GATAD1: variants seen among roughly 807,000 people sequenced by gnomAD.
GATAD1 encodes the protein GATA zinc finger domain containing 1.
GATAD1 carries 12 observed loss-of-function variants against 26.5 expected under a neutral mutation model. The observed-to-expected ratio is 0.45, with a 90% CI of 0.29 to 0.73. The LOEUF (loss-of-function observed/expected upper bound fraction) is 0.73. Ranked by LOEUF, GATAD1 falls within the 30% of genes least tolerant of loss-of-function variation. The pLI, the probability that GATAD1 is intolerant of heterozygous loss-of-function variation, is 0.10. For synonymous variants in GATAD1, 129 were observed against 133.1 expected (o/e 0.97, Z 0.21); for missense variants, 266 against 342.1 (o/e 0.78, Z 1.75).
the GATAD1 span, chr7:92,489,623 G>C: frequency 8.3e-7 from 1 of 1,199,834 alleles, no homozygotes; most frequent in South Asian, 1.3e-5. Context: ...TATAAATATA[G>C]CTCGTTTATA....
intron 3 of GATAD1, 173 bp from the exon 4 acceptor site, chr7:92,454,329 C>A: frequency 1.7e-6 from 1 of 592,944 alleles, no homozygotes; most frequent in East Asian, 2.9e-5. Context: ...AATTTTCATT[C>A]AAACGTGAAA....
At chr7:92,493,329 T>C in the GATAD1 span, 3 of 379,280 alleles carry the variant, frequency 7.9e-6, no homozygotes, top group Non-Finnish European at 1.4e-5. Context: ...TATAGGAAAA[T>C]GAATGAAAAT....
intron 3 of GATAD1, among the ~76,000 whole-genome samples, chr7:92,451,760 G>A (rs1416378561): frequency 4.6e-5 from 7 of 152,208 alleles, no homozygotes; most frequent in Admixed American, 4.6e-4. Context: ...ATCAGTGGCT[G>A]AGCATTTTGC....
the GATAD1 span, chr7:92,489,411 T>C: frequency 1.9e-6 from 3 of 1,613,250 alleles, no homozygotes; most frequent in Non-Finnish European, 2.5e-6. Context: ...GGTTGGTTCA[T>C]GGATTCGTCC....
At chr7:92,473,401 G>C in the GATAD1 span, among the ~76,000 whole-genome samples, 1 of 151,992 alleles carries the variant, frequency 6.6e-6, no homozygotes, top group Non-Finnish European at 1.5e-5. Flanking sequence ...GGTCTGAGGG[G>C]GTACTGCCTT....
Position 92,454,704 on chromosome 7 carries a change from A to C in GATAD1, c.619+19A>C. 2 of 1,546,158 alleles carry C rather than the reference A, an allele frequency of 1.3e-6. No homozygotes were observed. The highest frequency in any genetic ancestry group is 1.2e-5 in the South Asian group (1 of 82,988). On this transcript the variant is annotated intron_variant, in intron 4 of 4. Coordinates refer to ENST00000287957, the MANE Select transcript of GATAD1 (RefSeq NM_021167.5). ...ATCATAGGTAAGTTTGACAAATGGC[A>C]CAGGTTTTTTTTTAACTTAGTTAAC... is the stretch of plus-strand genomic sequence containing the variant.
the GATAD1 span, chr7:92,472,547 C>T: frequency 6.6e-6 from 1 of 152,236 alleles, no homozygotes; most frequent in African/African-American, 2.4e-5. Context: ...GCAAACTTAA[C>T]ACTGGGGCTT....
rs981222702 is a variant in GATAD1 at position 92,457,885 on chromosome 7, C to G, written c.*1323C>G. On this transcript the variant is annotated 3_prime_UTR_variant, in exon 5 of 5. Transcript: ENST00000287957. ...CGTGCGGTGGCTCATGCCTGTAATC[C>G]CGGCACTTTGGGAGGCCTGAGTGGA... The G allele has an allele frequency of 1.3e-5, 2 of 152,172 alleles. No homozygotes were observed. Among genetic ancestry groups the G allele is most frequent in the African/African-American group, 4.8e-5 (2 of 41,422 alleles). 9.4% of individuals were successfully genotyped at this position (152,172 alleles called of 1,614,324 possible). A position where few individuals can be genotyped will look rare whatever the true frequency, so the allele number is the denominator to read the frequency against.
intron 4 of GATAD1, among the ~76,000 whole-genome samples, chr7:92,454,962 G>A (rs932688149): frequency 6.6e-6 from 1 of 152,100 alleles, no homozygotes; most frequent in African/African-American, 2.4e-5. Flanking sequence ...GAGCTCTTTG[G>A]TGTATCTTCT....
At chr7:92,467,244 G>A in the GATAD1 span, among the ~76,000 whole-genome samples, 266 of 152,060 alleles carry the variant, frequency 1.7e-3, no homozygotes, top group African/African-American at 6.0e-3. Flanking sequence ...ACTTGAACCC[G>A]GAGGCGGAGG....
the GATAD1 span, chr7:92,489,748 C>G: frequency 6.2e-7 from 1 of 1,614,160 alleles, no homozygotes; most frequent in Non-Finnish European, 8.5e-7. Context: ...TTTGATAATA[C>G]TGATATCTGC....
chr7:92,449,317 A>AT, intron 2 of GATAD1: 2 of 853,356 alleles, frequency 2.3e-6, no homozygotes, highest in African/African-American at 3.7e-5. Context: ...GCCCCAGAAA[A>AT]TGTATCTTAC....
At chr7:92,486,217 A>G in the GATAD1 span, among the ~76,000 whole-genome samples, 1 of 152,240 alleles carries the variant, frequency 6.6e-6, no homozygotes, top group Non-Finnish European at 1.5e-5. Flanking sequence ...GAACAGCCCA[A>G]GTCTGACGGC....
chr7:92,450,153 A>G (rs754880098), intron 2 of GATAD1: 2 of 152,510 alleles, frequency 1.3e-5, no homozygotes, highest in Non-Finnish European at 2.9e-5. Context: ...GTTGTGGCAT[A>G]AAAGTATGTA....
In GATAD1 at chr7:92,450,493, AT is replaced by A. The variant is rs1789381784; in HGVS notation, c.376-203del. The A allele has an allele frequency of 1.7e-5, 9 of 537,400 alleles. 1 individual carries two copies. The highest frequency in any genetic ancestry group is 9.6e-4 in the Middle Eastern group (2 of 2,092). 33.3% of individuals were successfully genotyped at this position (537,400 alleles called of 1,614,324 possible). On this transcript the variant is annotated intron_variant, in intron 2 of 4. Transcript: ENST00000287957. The stretch of plus-strand genomic sequence containing the variant: ...CAGAAGGTTGTCCTTTGTCTCAGCA[AT>A]TTTTAAGCTAATAGTAGCAGAAATT...
chr7:92,468,833 C>T, the GATAD1 span: 1 of 764,352 alleles, frequency 1.3e-6, no homozygotes, highest in Non-Finnish European at 2.4e-6. Flanking sequence ...GGAGGGGTGC[C>T]TTTGATGTCA....
At chr7:92,481,493 G>T in the GATAD1 span, among the ~76,000 whole-genome samples, 1 of 152,184 alleles carries the variant, frequency 6.6e-6, no homozygotes, top group South Asian at 2.1e-4. Context: ...GGAAGCTACC[G>T]CATGGAGACA....
At chr7:92,495,651 G>A in the GATAD1 span, among the ~76,000 whole-genome samples, 1 of 151,932 alleles carries the variant, frequency 6.6e-6, no homozygotes, top group Non-Finnish European at 1.5e-5. Context: ...CTTTAGCGAT[G>A]TTTCCCTTTT....
chr7:92,469,705 T>C, the GATAD1 span: 1 of 764,232 alleles, frequency 1.3e-6, no homozygotes, highest in Non-Finnish European at 2.4e-6. Context: ...TATTTCCAGA[T>C]TGGAAACAAG....
Sources: allele counts gnomAD v4.1 joint callset (sites outside exome capture counted in the v4.1 genomes callset), GRCh38; gene constraint gnomAD v4.1.1; transcripts MANE v1.5; gene names NCBI Gene and HGNC (gene_info 2026-07-23, HGNC 2026-07-21).